The following SNX21 variants were observed in gnomAD, a reference collection of about 807,000 sequenced individuals.
The protein encoded by SNX21 is sorting nexin family member 21, also known as sorting nexin-21.
A neutral mutation model predicts 30.9 loss-of-function variants in SNX21; 36 were observed. The observed-to-expected ratio is 1.16, with a 90% CI of 0.89 to 1.54. The LOEUF is 1.54. SNX21 is among the 40% of genes most tolerant of loss of function. SNX21 has a pLI of 0.00. For synonymous variants in SNX21, 218 were observed against 222.7 expected (o/e 0.98, Z 0.19); for missense variants, 508 against 516.5 (o/e 0.98, Z 0.16).
intron 3 of SNX21, chr20:45,840,166 G>A: frequency 1.0e-6 from 1 of 985,460 alleles, no homozygotes; most frequent in Non-Finnish European, 1.2e-6. Flanking sequence ...AGTTATGGCA[G>A]TTGTGGCTAT....
chr20:45,834,856 G>C, intron 2 of SNX21, 103 bp from the exon 3 acceptor site: 1 of 1,423,130 alleles, frequency 7.0e-7, no homozygotes, highest in Non-Finnish European at 9.5e-7. Flanking sequence ...TGTAAAAAGG[G>C]GGTAAGTCCT....
chr20:45,835,418 T>G (rs1009478638), intron 3 of SNX21, among the ~76,000 whole-genome samples: 4 of 152,310 alleles, frequency 2.6e-5, no homozygotes, highest in African/African-American at 9.6e-5. Flanking sequence ...TGTAGCAAGA[T>G]GTGAGATACA....
Position 45,834,438 on chromosome 20 carries a change from C to A in SNX21, c.259C>A (p.Leu87Ile). 6.2e-7 allele frequency: 1 copy of A among 1,606,446 alleles called. No homozygotes were observed. The change falls in exon 2 of 4, where the codon CTC becomes ATC. Residue 87 changes from leucine to isoleucine, a missense_variant. Coordinates refer to ENST00000491381, the MANE Select transcript of SNX21 (RefSeq NM_033421.4). ...GGAGGCTGGCCCTGACCAGCTGCCCCTCGGGGATGGGACGTCAGGAGAAGA... is the reference window on the plus strand; with the variant it reads ...GGAGGCTGGCCCTGACCAGCTGCCCATCGGGGATGGGACGTCAGGAGAAGA... ...DEEAGPDQLP[L>I]GDGTSGEDAE...
Position 45,841,862 on chromosome 20 carries a change from G to C in SNX21, c.*549G>C, listed in dbSNP as rs752104246. On this transcript the variant is annotated 3_prime_UTR_variant, in exon 4 of 4. Transcript: ENST00000491381. ...GCTACAGCTTGCTCTCTGAGACCTG[G>C]GGCTTCACTCGGATCACGCCCTCCT... is the stretch of plus-strand genomic sequence containing the variant. The C allele has an allele frequency of 4.5e-5, 72 of 1,606,932 alleles. No individual in the cohort carries two copies. Among genetic ancestry groups the C allele is most frequent in the Non-Finnish European group, 5.9e-5 (70 of 1,177,930 alleles).
At position 45,833,856 on chromosome 20, in the gene SNX21, C is replaced by T. The variant is rs1568723626; in HGVS notation, c.-64C>T. 2.3e-6 allele frequency: 3 copies of T among 1,294,420 alleles called. No homozygotes were observed. Among genetic ancestry groups the T allele is most frequent in the South Asian group, 2.5e-5 (1 of 39,640 alleles). 80.2% of individuals were successfully genotyped at this position (1,294,420 alleles called of 1,614,324 possible). A position where few individuals can be genotyped will look rare whatever the true frequency, so the allele number is the denominator to read the frequency against. Reference sequence around the variant, plus strand: ...TGAGCCCGGCGGAGCCCTGCAGAACCCGGCCGACCTCCATGGGCTGCGGGG... The same window carrying T: ...TGAGCCCGGCGGAGCCCTGCAGAACTCGGCCGACCTCCATGGGCTGCGGGG... On this transcript the variant is annotated 5_prime_UTR_variant, in exon 1 of 4. Transcript: ENST00000491381.
At chr20:45,840,544 G>C (rs1709354383) in intron 3 of SNX21, 95 bp from the exon 4 acceptor site, 4 of 1,612,714 alleles carry the variant, frequency 2.5e-6, no homozygotes, top group Non-Finnish European at 2.5e-6. Flanking sequence ...AAGAGGTGGG[G>C]AGGTACAGCT....
Position 45,834,974 on chromosome 20 carries a change from C to G in SNX21, c.305C>G (p.Pro102Arg), listed in dbSNP as rs1983396365. 1 of 1,613,816 alleles carries G rather than the reference C, an allele frequency of 6.2e-7. No individual in the cohort carries two copies. The highest frequency in any genetic ancestry group is 1.7e-5 in the Admixed American group (1 of 59,960). Residue 102 changes from proline to arginine, a missense_variant, in exon 3 of 4, where the codon CCT becomes CGT. Transcript: ENST00000491381. ...SGEDAERSPP[P>R]DGQWGSQLLA... The stretch of plus-strand genomic sequence containing the variant: ...GTGTCTGCAGAACGGAGCCCCCCAC[C>G]TGATGGGCAGTGGGGCAGTCAGCTC...
At chr20:45,840,576 G>C in intron 3 of SNX21, 63 bp from the exon 4 acceptor site, 1 of 1,613,912 alleles carries the variant, frequency 6.2e-7, no homozygotes, top group South Asian at 1.1e-5. Flanking sequence ...GGATGGGGAA[G>C]GATGGGGAGG....
Position 45,840,729 on chromosome 20 carries a change from C to T in SNX21, c.538C>T (p.Arg180Ter), listed in dbSNP as rs1469863439. The T allele has an allele frequency of 3.7e-6, 6 of 1,614,206 alleles. No homozygotes were observed. Among genetic ancestry groups the T allele is most frequent in the Middle Eastern group, 1.6e-4 (1 of 6,062 alleles). ...RRYSDFERLH[R>*]NLQRQFRGPM... ...TTACTCGGACTTTGAGCGGCTGCAC[C>T]GAAACCTGCAGCGGCAATTCCGGGG... is the stretch of plus-strand genomic sequence containing the variant. Residue 180 changes from arginine to a stop codon, truncating the protein, a stop_gained, in exon 4 of 4, where the codon CGA (arginine) becomes TGA (stop). Coordinates refer to ENST00000491381, the MANE Select transcript of SNX21 (RefSeq NM_033421.4). LOFTEE classifies it high-confidence loss of function.
At chr20:45,840,236 G>A in intron 3 of SNX21, 1 of 1,435,392 alleles carries the variant, frequency 7.0e-7, no homozygotes, top group Non-Finnish European at 9.1e-7. Flanking sequence ...TGGAGGCCAG[G>A]TGTCCAAAGT....
chr20:45,842,642 C>T lies in SNX21; in HGVS notation c.*1329C>T. On this transcript the variant is annotated 3_prime_UTR_variant, in exon 4 of 4. Coordinates refer to ENST00000491381, the MANE Select transcript of SNX21 (RefSeq NM_033421.4). ...TGAGGATGATTGCTGGTTTCCCTTACACATAGCAGAGCTCACTCAGTTCTC... is the reference window on the plus strand; with the variant it reads ...TGAGGATGATTGCTGGTTTCCCTTATACATAGCAGAGCTCACTCAGTTCTC... The T allele has an allele frequency of 1.0e-6, 1 of 992,716 alleles. No homozygotes were observed. Among genetic ancestry groups the T allele is most frequent in the Non-Finnish European group, 1.2e-6 (1 of 834,300 alleles). 61.5% of individuals were successfully genotyped at this position (992,716 alleles called of 1,614,324 possible).
chr20:45,841,034 C>T lies in SNX21; in HGVS notation c.843C>T (p.Arg281=), dbSNP rs546449410. The change falls in exon 4 of 4, where the codon CGC becomes CGT. Residue 281 remains arginine (R), a synonymous_variant. Coordinates refer to ENST00000491381, the MANE Select transcript of SNX21 (RefSeq NM_033421.4). ...TGGGCACCCCCTCTGGCCCAGACCG[C>T]CCCCTGCTGACCCTGGCTGGGCTGG... ...AQLGTPSGPD[R]PLLTLAGLAV... is the part of the protein sequence containing the mutation. 3.1e-6 allele frequency: 5 copies of T among 1,609,488 alleles called. No individual in the cohort carries two copies. Among genetic ancestry groups the T allele is most frequent in the African/African-American group, 1.3e-5 (1 of 74,912 alleles).
chr20:45,842,414 T>G lies in SNX21; in HGVS notation c.*1101T>G. On this transcript the variant is annotated 3_prime_UTR_variant, in exon 4 of 4. Transcript: ENST00000491381. The stretch of plus-strand genomic sequence containing the variant: ...GAACTGCTGTACCTCTGACCACTTG[T>G]GTTAGGAAAACTATCGGCTCCCTGT... The G allele has an allele frequency of 8.6e-7, 1 of 1,166,010 alleles. No individual in the cohort carries two copies. Among genetic ancestry groups the G allele is most frequent in the Non-Finnish European group, 1.1e-6 (1 of 942,860 alleles). The allele number at this position is 1,166,010 out of a possible 1,614,324, so 72.2% of individuals were successfully genotyped here.
At chr20:45,840,322 A>G in intron 3 of SNX21, 1 of 1,569,664 alleles carries the variant, frequency 6.4e-7, no homozygotes, top group East Asian at 2.3e-5. Context: ...GGTTTTCCAG[A>G]GGGGGCTGTC....
rs767739703 is a variant in SNX21 at position 45,840,752 on chromosome 20, G to A, written c.561G>A (p.Arg187=). Residue 187 remains arginine, a synonymous_variant, in exon 4 of 4, where the codon CGG becomes CGA. Coordinates refer to ENST00000491381, the MANE Select transcript of SNX21 (RefSeq NM_033421.4). The stretch of plus-strand genomic sequence containing the variant: ...ACCGAAACCTGCAGCGGCAATTCCG[G>A]GGCCCAATGGCTGCCATCTCCTTCC... ...RLHRNLQRQF[R]GPMAAISFPR... 6.2e-7 allele frequency: 1 copy of A among 1,614,172 alleles called. No individual in the cohort carries two copies. The highest frequency in any genetic ancestry group is 1.3e-5 in the African/African-American group (1 of 75,068).
Position 45,842,193 on chromosome 20 carries a change from A to G in SNX21, c.*880A>G. The G allele has an allele frequency of 6.8e-7, 1 of 1,479,238 alleles. No individual in the cohort carries two copies. The highest frequency in any genetic ancestry group is 2.4e-5 in the Admixed American group (1 of 42,124). 91.6% of individuals were successfully genotyped at this position (1,479,238 alleles called of 1,614,324 possible). A position where few individuals can be genotyped will look rare whatever the true frequency, so the allele number is the denominator to read the frequency against. On this transcript the variant is annotated 3_prime_UTR_variant, in exon 4 of 4. Coordinates refer to ENST00000491381, the MANE Select transcript of SNX21 (RefSeq NM_033421.4). ...GGCCCAGGGCAGGGCTGCCCCACAC[A>G]AGGGTGCACTGAGTGTCGTGGCTGC...
rs1236245655 is a variant in SNX21 at position 45,841,981 on chromosome 20, A to G, written c.*668A>G. 6.2e-7 allele frequency: 1 copy of G among 1,612,012 alleles called. No homozygotes were observed. Among genetic ancestry groups the G allele is most frequent in the Non-Finnish European group, 8.5e-7 (1 of 1,179,732 alleles). Reference sequence around the variant, plus strand: ...CCTGTGGGTGAGGTGAAGGGTGATGATGGCCTGCTTCAGAACAGCCAAATA... The same window carrying G: ...CCTGTGGGTGAGGTGAAGGGTGATGGTGGCCTGCTTCAGAACAGCCAAATA... On this transcript the variant is annotated 3_prime_UTR_variant, in exon 4 of 4. Coordinates refer to ENST00000491381, the MANE Select transcript of SNX21 (RefSeq NM_033421.4).
chr20:45,839,733 CAAA>C (rs879266988), intron 3 of SNX21, among the ~76,000 whole-genome samples: 206 of 114,834 alleles, frequency 1.8e-3, no homozygotes, highest in Admixed American at 2.5e-3. Context: ...CATCTCCATA[CAAA>C]AAAAAAAAAA....
intron 3 of SNX21, among the ~76,000 whole-genome samples, chr20:45,838,745 C>CTAAA (rs369272991): frequency 1.3e-5 from 2 of 151,786 alleles, no homozygotes; most frequent in Non-Finnish European, 2.9e-5. Context: ...CAGGGCGAGA[C>CTAAA]TAAATAAATA....
Sources: gnomAD v4.1 joint callset for allele counts (sites outside exome capture counted in the v4.1 genomes callset) on GRCh38, gnomAD v4.1.1 for gene constraint, MANE v1.5 for transcripts, NCBI Gene and HGNC (gene_info 2026-07-23, HGNC 2026-07-21) for gene names.